Variants in PDGFA observed in about 807,000 individuals in gnomAD.
PDGFA encodes platelet-derived growth factor subunit A.
A neutral mutation model predicts 25.6 loss-of-function variants in PDGFA; 9 were observed. That is an observed-to-expected ratio of 0.35 (90% CI 0.21 to 0.61). The LOEUF (loss-of-function observed/expected upper bound fraction) is 0.61, where lower values mean the gene tolerates loss of function less well. Ranked by LOEUF, PDGFA falls within the 20% of genes least tolerant of loss-of-function variation. The pLI is 0.75. For missense variants in PDGFA, 242 were observed against 272.8 expected (o/e 0.89, Z 0.79); for synonymous variants, 133 against 111.8 (o/e 1.19, Z -1.20).
intron 4 of PDGFA, among the ~76,000 whole-genome samples, chr7:510,252 C>T (rs924345979): frequency 8.5e-5 from 13 of 152,180 alleles, no homozygotes; most frequent in East Asian, 3.9e-4. Context: ...CTGCCTTTCC[C>T]GCACCCCCAG....
Position 511,334 on chromosome 7 carries a change from GGT to G in PDGFA, c.266-340_266-339del, listed in dbSNP as rs1333916724. Among the ~76,000 whole-genome samples, 174 of 85,864 alleles carry G rather than the reference GGT, an allele frequency of 2.0e-3. 8 individuals carry two copies. Among genetic ancestry groups the G allele is most frequent in the African/African-American group, 3.4e-3 (55 of 16,016 alleles). The allele number at this position is 85,864 out of a possible 152,430, so 56.3% of individuals were successfully genotyped here. A position where few individuals can be genotyped will look rare whatever the true frequency, so the allele number is the denominator to read the frequency against. On this transcript the variant is annotated intron_variant, in intron 3 of 5. Coordinates refer to ENST00000402802, the Ensembl canonical transcript of PDGFA. ...AGTCCAGGTGGGGCCAGAGACTGGG[GGT>G]GGGGAGAGGGGAACCTAGTCCAGGT... is the stretch of plus-strand genomic sequence containing the variant.
chr7:518,605 C>G (rs1014995408), intron 1 of PDGFA: 3 of 303,828 alleles, frequency 9.9e-6, no homozygotes, highest in Non-Finnish European at 1.8e-5. Context: ...TCACACACAC[C>G]CCCTTCCCCG....
At chr7:501,915 G>A (rs1782358022) in intron 4 of PDGFA, among the ~76,000 whole-genome samples, 1 of 152,134 alleles carries the variant, frequency 6.6e-6, no homozygotes, top group African/African-American at 2.4e-5. Flanking sequence ...AAATGATCAC[G>A]TTGTTTTTAA....
At chr7:519,809 C>T (rs1421379620), upstream of PDGFA, among the ~76,000 whole-genome samples, 1 of 148,616 alleles carries the variant, frequency 6.7e-6, no homozygotes, top group East Asian at 2.0e-4. Context: ...GCAGGCCCGG[C>T]TCGCCGGAGT....
intron 4 of PDGFA, among the ~76,000 whole-genome samples, chr7:506,288 A>G (rs183206838): frequency 6.6e-6 from 1 of 150,870 alleles, no homozygotes; most frequent in East Asian, 2.1e-4. Context: ...TATAACAAAG[A>G]AAAAAAAAGA....
At chr7:519,757 T>TCCGCCGCAG, upstream of PDGFA, among the ~76,000 whole-genome samples, 1 of 144,354 alleles carries the variant, frequency 6.9e-6, no homozygotes, top group African/African-American at 2.5e-5. Flanking sequence ...AGTCGGCGCC[T>TCCGCCGCAG]CCGCCGCAGC....
chr7:505,863 C>G lies in PDGFA; in HGVS notation c.454-4621G>C, dbSNP rs543167457. On this transcript the variant is annotated intron_variant, in intron 4 of 5. Coordinates refer to ENST00000402802, the Ensembl canonical transcript of PDGFA. ...CAGAGACTTGGAATGTCACTCAATC[C>G]AGATGCTGACTTGGGTCATGAGGAC... 3.9e-5 allele frequency among the ~76,000 whole-genome samples: 6 copies of G among 152,322 alleles called. No homozygotes were observed. The South Asian group carries it at 1.2e-3, about 32-fold the overall frequency.
At chr7:514,731 C>A (rs1341641975) in intron 2 of PDGFA, among the ~76,000 whole-genome samples, 3 of 152,240 alleles carry the variant, frequency 2.0e-5, no homozygotes, top group Admixed American at 6.5e-5. Context: ...GGCGCCAGGC[C>A]AGACCACTTT....
chr7:499,776 G>A (rs1425650241), intron 5 of PDGFA, among the ~76,000 whole-genome samples: 1 of 132,354 alleles, frequency 7.6e-6, no homozygotes, highest in East Asian at 2.1e-4. Context: ...GTGGTTTCTG[G>A]AGCTTTAGCA....
chr7:510,952 C>T (rs143777432), exon 4 of PDGFA: 203 of 1,612,742 alleles, frequency 1.3e-4, no homozygotes, highest in Non-Finnish European at 1.6e-4. Flanking sequence ...CGAGGAATCT[C>T]GTAAATGACC....
chr7:511,363 G>C (rs13308982), intron 3 of PDGFA, among the ~76,000 whole-genome samples: 13,425 of 49,432 alleles, frequency 0.27, 3,073 homozygotes, highest in Non-Finnish European at 0.47. Flanking sequence ...AGTCCAGGTG[G>C]GGCCAGAGAC....
In PDGFA at chr7:511,011, G is replaced by T; in HGVS notation, c.266-15C>A. 2.5e-6 allele frequency: 4 copies of T among 1,606,710 alleles called. No individual in the cohort carries two copies. The South Asian group carries it at 4.4e-5, about 18-fold the overall frequency. ...GACAGCTTCCTCTGCAACGGCGGGG[G>T]CACAGTGAGCGGGGACCGGCCTCTG... is the stretch of plus-strand genomic sequence containing the variant. On this transcript the variant is annotated splice_polypyrimidine_tract_variant and intron_variant, in intron 3 of 5. Transcript: ENST00000402802.
At position 512,317 on chromosome 7, in the gene PDGFA, C is replaced by T; in HGVS notation, c.265+34G>A. 5.0e-6 allele frequency: 8 copies of T among 1,588,590 alleles called. 1 individual carries two copies. The highest frequency in any genetic ancestry group is 1.3e-5 in the African/African-American group (1 of 74,720). On this transcript the variant is annotated intron_variant, in intron 3 of 5. Coordinates refer to ENST00000402802, the Ensembl canonical transcript of PDGFA. ...GCCTCCTGGACTCACCCTGACCCGG[C>T]CCTGCCCTGCCCATCGCGGCCTCCT...
chr7:510,533 T>G (rs1223543772), intron 4 of PDGFA, among the ~76,000 whole-genome samples: 2 of 70,392 alleles, frequency 2.8e-5, no homozygotes, highest in Admixed American at 2.0e-4. Context: ...GACGCTGCGG[T>G]GGTGGACGCG....
At position 500,256 on chromosome 7, in the gene PDGFA, C is replaced by T. The variant is rs754789832; in HGVS notation, c.580+860G>A. Among the ~76,000 whole-genome samples the T allele has an allele frequency of 4.6e-5, 7 of 152,194 alleles. No homozygotes were observed. Among genetic ancestry groups the T allele is most frequent in the Admixed American group, 6.5e-5 (1 of 15,280 alleles). ...GTGAGCCACGGGCCAGGGCGTTCTGCGAGGCAGGAGCGGACGGGGAGCAAG... is the reference window on the plus strand; with the variant it reads ...GTGAGCCACGGGCCAGGGCGTTCTGTGAGGCAGGAGCGGACGGGGAGCAAG... On this transcript the variant is annotated intron_variant, in intron 5 of 5. Coordinates refer to ENST00000402802, the Ensembl canonical transcript of PDGFA. This position sits in a 1 kb window ranked among gnomAD's most constrained non-coding sequence, Gnocchi z 5.0.
intron 2 of PDGFA, among the ~76,000 whole-genome samples, chr7:514,482 G>A (rs922343909): frequency 3.9e-5 from 6 of 152,116 alleles, no homozygotes; most frequent in Non-Finnish European, 7.4e-5. Context: ...CACCAAAGCC[G>A]CCCACAGCTC....
At chr7:511,372 A>G (rs377118364) in intron 3 of PDGFA, among the ~76,000 whole-genome samples, 13,325 of 30,738 alleles carry the variant, frequency 0.43, 2,618 homozygotes, top group Non-Finnish European at 0.51. Flanking sequence ...GGGGCCAGAG[A>G]CTGGGGGTGG....
chr7:519,751 G>A (rs1783286446), upstream of PDGFA, among the ~76,000 whole-genome samples: 1 of 147,392 alleles, frequency 6.8e-6, no homozygotes. Context: ...AGGCCGAGTC[G>A]GCGCCTCCGC....
chr7:507,096 C>T (rs1408749922), intron 4 of PDGFA, among the ~76,000 whole-genome samples: 5 of 152,228 alleles, frequency 3.3e-5, no homozygotes, highest in African/African-American at 7.2e-5. Context: ...GCGGCAGGAC[C>T]GGTCTCTTGG....
Sources: gnomAD v4.1 joint callset for allele counts (sites outside exome capture counted in the v4.1 genomes callset) on GRCh38, gnomAD v4.1.1 for gene constraint, Gnocchi (gnomAD v3.1) non-coding constraint, MANE v1.5 for transcripts, NCBI Gene and HGNC (gene_info 2026-07-23, HGNC 2026-07-21) for gene names.